The following CNTN4 variants were observed in gnomAD, a reference collection of about 807,000 sequenced individuals.
CNTN4 encodes the protein contactin-4.
A neutral mutation model predicts 122.5 loss-of-function variants in CNTN4; 77 were observed. The ratio of observed to expected loss-of-function variants is 0.63; its 90% CI spans 0.52 to 0.76. CNTN4 has a LOEUF of 0.76. Among genes scored for constraint, CNTN4 ranks in the 30% least tolerant of loss-of-function variants. The pLI, the probability that CNTN4 is intolerant of heterozygous loss-of-function variation, is 0.00. For missense variants in CNTN4, 1,256 were observed against 1,259.1 expected (o/e 1.00, Z 0.04); for synonymous variants, 512 against 447.0 (o/e 1.15, Z -1.83).
intron 13 of CNTN4, among the ~76,000 whole-genome samples, chr3:2,957,169 G>A (rs977009257): frequency 2.0e-5 from 3 of 152,006 alleles, no homozygotes; most frequent in Non-Finnish European, 4.4e-5. Flanking sequence ...GGGATTGCTG[G>A]ATTATATGGT....
chr3:2,234,432 C>A (rs932644158), intron 2 of CNTN4, among the ~76,000 whole-genome samples: 3 of 146,886 alleles, frequency 2.0e-5, no homozygotes, highest in Admixed American at 6.8e-5. Context: ...TTACAAACTT[C>A]ATCAGCTTGT....
intron 3 of CNTN4, among the ~76,000 whole-genome samples, chr3:2,343,647 G>A (rs1056423303): frequency 6.6e-6 from 1 of 152,160 alleles, no homozygotes; most frequent in Admixed American, 6.5e-5. Flanking sequence ...CAATAAACCT[G>A]TGCTTTCATT....
At chr3:2,230,749 C>G (rs941903695) in intron 2 of CNTN4, among the ~76,000 whole-genome samples, 5 of 152,094 alleles carry the variant, frequency 3.3e-5, no homozygotes, top group African/African-American at 1.2e-4. Flanking sequence ...TTTTGGCAGG[C>G]TGAGGCAGAT....
chr3:2,853,544 A>G (rs2093582203), intron 7 of CNTN4, among the ~76,000 whole-genome samples: 2 of 151,888 alleles, frequency 1.3e-5, no homozygotes, highest in Non-Finnish European at 1.5e-5. Context: ...TGTCTGGCCT[A>G]ATTTATTGAT....
intron 13 of CNTN4, among the ~76,000 whole-genome samples, chr3:2,964,113 T>C (rs1425414622): frequency 1.3e-5 from 2 of 152,190 alleles, no homozygotes; most frequent in Non-Finnish European, 2.9e-5. Context: ...TGAGCATTCA[T>C]AGGGACATTT....
intron 3 of CNTN4, among the ~76,000 whole-genome samples, chr3:2,549,881 G>T (rs1380236893): frequency 6.6e-6 from 1 of 152,138 alleles, no homozygotes; most frequent in Non-Finnish European, 1.5e-5. Flanking sequence ...TTCAGAACTT[G>T]TTATTGGTCT....
intron 2 of CNTN4, among the ~76,000 whole-genome samples, chr3:2,294,987 T>C (rs2042257172): frequency 6.6e-6 from 1 of 152,226 alleles, no homozygotes; most frequent in African/African-American, 2.4e-5. Context: ...TTCATCCATG[T>C]CCCTACAAAG....
intron 23 of CNTN4, among the ~76,000 whole-genome samples, chr3:3,044,008 C>T (rs570500438): frequency 6.6e-6 from 1 of 152,246 alleles, no homozygotes; most frequent in South Asian, 2.1e-4. Flanking sequence ...CTACTGTCAG[C>T]TTCGTTTTGC....
At chr3:2,593,573 A>G (rs1040573121) in intron 4 of CNTN4, among the ~76,000 whole-genome samples, 1 of 152,190 alleles carries the variant, frequency 6.6e-6, no homozygotes, top group Non-Finnish European at 1.5e-5. Flanking sequence ...TCTTGGAATC[A>G]GGACTGAGTA....
rs2041235599 is a variant in CNTN4, at chr3:2,270,218, G to A, written c.-144-68960G>A. On this transcript the variant is annotated intron_variant, in intron 2 of 24. Transcript: ENST00000418658. The stretch of plus-strand genomic sequence containing the variant: ...CCCGCCTCGGCCTCCCAAAGTGCTG[G>A]GATTACAGGCGTGAGCCACCGCGCC... 5.4e-5 allele frequency among the ~76,000 whole-genome samples: 2 copies of A among 36,906 alleles called. 1 individual carries two copies. 24.2% of individuals were successfully genotyped at this position (36,906 alleles called of 152,430 possible).
At chr3:2,136,968 C>G (rs1198506310) in intron 2 of CNTN4, among the ~76,000 whole-genome samples, 1 of 152,126 alleles carries the variant, frequency 6.6e-6, no homozygotes, top group East Asian at 1.9e-4. Flanking sequence ...ACCCCTCCCC[C>G]CGAAGAAAAC....
intron 3 of CNTN4, among the ~76,000 whole-genome samples, chr3:2,390,558 T>A (rs1022938671): frequency 3.3e-5 from 5 of 152,208 alleles, no homozygotes; most frequent in Non-Finnish European, 5.9e-5. Context: ...CGAAGACTTG[T>A]ATTTTTCCTG....
At chr3:2,102,896 C>A (rs1338098571) in intron 2 of CNTN4, among the ~76,000 whole-genome samples, 1 of 151,208 alleles carries the variant, frequency 6.6e-6, no homozygotes, top group African/African-American at 2.4e-5. Flanking sequence ...ATAACTGTTA[C>A]TTCCTTTTCT....
At chr3:2,799,893 CTTTCCCCAGTGTATAT>C (rs1287416563) in intron 6 of CNTN4, among the ~76,000 whole-genome samples, 1 of 152,024 alleles carries the variant, frequency 6.6e-6, no homozygotes, top group African/African-American at 2.4e-5. Flanking sequence ...ATAGGGTATG[CTTTCCCCAGTGTATAT>C]TTTTGTCAAT....
At chr3:2,205,349 T>C (rs575315616) in intron 2 of CNTN4, among the ~76,000 whole-genome samples, 1 of 149,296 alleles carries the variant, frequency 6.7e-6, no homozygotes, top group Admixed American at 6.7e-5. Flanking sequence ...AATTATAAAA[T>C]ATATGTAATA....
chr3:2,701,659 C>T lies in CNTN4; in HGVS notation c.56-34556C>T, dbSNP rs548993906. Among the ~76,000 whole-genome samples, 7 of 152,200 alleles carry T rather than the reference C, an allele frequency of 4.6e-5. No individual in the cohort carries two copies. In the South Asian group the frequency reaches 1.2e-3, roughly 27 times the overall value. Reference sequence around the variant, plus strand: ...GACAGCAGTGGTAACATCCTTAGCCCCACCCCATGTTTTACAGATGAGATA... The same window carrying T: ...GACAGCAGTGGTAACATCCTTAGCCTCACCCCATGTTTTACAGATGAGATA... On this transcript the variant is annotated intron_variant, in intron 4 of 24. Transcript: ENST00000418658.
rs532064649 is a variant in CNTN4, at chr3:2,638,641, T to C, written c.55+67083T>C. 3.3e-5 allele frequency among the ~76,000 whole-genome samples: 5 copies of C among 152,300 alleles called. No individual in the cohort carries two copies. The South Asian group carries it at 1.0e-3, about 32-fold the overall frequency. ...GTGAATTTCTTTATATGAAAACTAA[T>C]ATCGTTGATGAAACCATTTAGCTAG... On this transcript the variant is annotated intron_variant, in intron 4 of 24. Coordinates refer to ENST00000418658, the MANE Select transcript of CNTN4 (RefSeq NM_175607.3).
chr3:2,624,523 A>G (rs999463199), intron 4 of CNTN4, among the ~76,000 whole-genome samples: 1 of 151,988 alleles, frequency 6.6e-6, no homozygotes, highest in African/African-American at 2.4e-5. Flanking sequence ...CAAGCTTTTC[A>G]GATTAATCAG....
At chr3:2,288,051 T>C (rs2042006124) in intron 2 of CNTN4, among the ~76,000 whole-genome samples, 1 of 152,174 alleles carries the variant, frequency 6.6e-6, no homozygotes, top group Admixed American at 6.5e-5. Flanking sequence ...CGTTTCACAA[T>C]GCAGTGGGAA....
Sources: allele counts gnomAD v4.1 joint callset (sites outside exome capture counted in the v4.1 genomes callset), GRCh38; gene constraint gnomAD v4.1.1; transcripts MANE v1.5; gene names NCBI Gene and HGNC (gene_info 2026-07-23, HGNC 2026-07-21).